The following SLC18A2 variants were observed in gnomAD, a reference collection of about 807,000 sequenced individuals.
SLC18A2 encodes the protein synaptic vesicular amine transporter.
In SLC18A2, 33 loss-of-function variants were observed where a neutral mutation model predicts 59.2. The observed-to-expected ratio is 0.56, with a 90% CI of 0.42 to 0.75. The LOEUF (loss-of-function observed/expected upper bound fraction) is 0.75. SLC18A2 is among the 30% of genes least tolerant of loss of function. The probability of loss-of-function intolerance (pLI) is 0.00; values close to 1 mark genes in which losing one functional copy is unlikely to be tolerated. For missense variants in SLC18A2, 569 were observed against 668.6 expected (o/e 0.85, Z 1.64); for synonymous variants, 228 against 253.5 (o/e 0.90, Z 0.95).
rs1269598953 is a variant in SLC18A2, at chr10:117,279,382, T to C, written c.*2116T>C. ...TATTCAACTGTTTGACTGCTAAGTG[T>C]ATCTGTCCATATTTTAGCAAGTTTA... is the stretch of plus-strand genomic sequence containing the variant. On this transcript the variant is annotated 3_prime_UTR_variant, in exon 16 of 16. Coordinates refer to ENST00000644641, the MANE Select transcript of SLC18A2 (RefSeq NM_003054.6). 1.3e-5 allele frequency: 2 copies of C among 152,236 alleles called. No homozygotes were observed. Among genetic ancestry groups the C allele is most frequent in the Non-Finnish European group, 2.9e-5 (2 of 68,042 alleles). The allele number at this position is 152,236 out of a possible 1,614,324, so 9.4% of individuals were successfully genotyped here.
Position 117,269,840 on chromosome 10 carries a change from T to G in SLC18A2, c.1187-231T>G, listed in dbSNP as rs1589985508. 6.6e-6 allele frequency among the ~76,000 whole-genome samples: 1 copy of G among 152,320 alleles called. No homozygotes were observed. Among genetic ancestry groups the G allele is most frequent in the East Asian group, 1.9e-4 (1 of 5,190 alleles). ...GAAGAATGAATGACAATTGAGATGATGCTGTGAGAGAACATCTGTATACGA... is the reference window on the plus strand; with the variant it reads ...GAAGAATGAATGACAATTGAGATGAGGCTGTGAGAGAACATCTGTATACGA... On this transcript the variant is annotated intron_variant, in intron 13 of 15. Transcript: ENST00000644641. This position sits in a 1 kb window ranked among gnomAD's most constrained non-coding sequence, Gnocchi z 5.1.
chr10:117,248,209 C>T (rs1043148733), intron 3 of SLC18A2, among the ~76,000 whole-genome samples: 1 of 152,130 alleles, frequency 6.6e-6, no homozygotes. Flanking sequence ...AAGTGATCCT[C>T]CTGCCTCAGC....
In SLC18A2 at chr10:117,267,740, A is replaced by T. The variant is rs747505688; in HGVS notation, c.1186+4A>T. 4.1e-5 allele frequency: 63 copies of T among 1,552,900 alleles called. 1 individual carries two copies. In the Admixed American group the frequency reaches 7.6e-4, roughly 19 times the overall value. ...TTTGGAGTTGGTTTTGCAATTGGTAAGTCACACGAACCTTGTGCCTACATT... is the reference window on the plus strand; with the variant it reads ...TTTGGAGTTGGTTTTGCAATTGGTATGTCACACGAACCTTGTGCCTACATT... On this transcript the variant is annotated splice_donor_region_variant and intron_variant, in intron 13 of 15. Transcript: ENST00000644641.
At position 117,267,485 on chromosome 10, in the gene SLC18A2, G is replaced by A. The variant is rs562655693; in HGVS notation, c.1123-188G>A. On this transcript the variant is annotated intron_variant, in intron 12 of 15. Transcript: ENST00000644641. The stretch of plus-strand genomic sequence containing the variant: ...GTTTTTCATGGTGGTCATAAAACTC[G>A]TTTCAAGCTTTGACTTTTAAAGATT... 211 of 477,416 alleles carry A rather than the reference G, an allele frequency of 4.4e-4. 5 individuals are homozygous for A. In the South Asian group the frequency reaches 8.6e-3, roughly 19 times the overall value. The allele number at this position is 477,416 out of a possible 1,614,324, so 29.6% of individuals were successfully genotyped here. A position where few individuals can be genotyped will look rare whatever the true frequency, so the allele number is the denominator to read the frequency against.
intron 15 of SLC18A2, among the ~76,000 whole-genome samples, chr10:117,274,347 TCTGA>T (rs1017892688): frequency 6.6e-6 from 1 of 152,180 alleles, no homozygotes; most frequent in African/African-American, 2.4e-5. Context: ...TGCCAAATAG[TCTGA>T]CTGAACTGCT....
Position 117,276,125 on chromosome 10 carries a change from C to CAAA in SLC18A2, c.1441-1026_1441-1024dup, listed in dbSNP as rs34299747. Among the ~76,000 whole-genome samples, 285 of 137,404 alleles carry CAAA rather than the reference C, an allele frequency of 2.1e-3. 2 individuals carry two copies. Among genetic ancestry groups the CAAA allele is most frequent in the South Asian group, 4.8e-3 (21 of 4,368 alleles). The allele number at this position is 137,404 out of a possible 152,430, so 90.1% of individuals were successfully genotyped here. A position where few individuals can be genotyped will look rare whatever the true frequency, so the allele number is the denominator to read the frequency against. ...GCAATGTAGTGAGATGTCATCTCTA[C>CAAA]AAAAAAAAAAAAATTAAAAATTAGC... On this transcript the variant is annotated intron_variant, in intron 15 of 15. Coordinates refer to ENST00000644641, the MANE Select transcript of SLC18A2 (RefSeq NM_003054.6).
At chr10:117,241,539 T>G in intron 1 of SLC18A2, 140 bp from the exon 2 acceptor site, 2 of 901,872 alleles carry the variant, frequency 2.2e-6, no homozygotes, top group Non-Finnish European at 3.1e-6. Flanking sequence ...TCGAGGCAGG[T>G]GAGCCGAGGC....
chr10:117,274,170 A>G (rs1386107208), intron 15 of SLC18A2, among the ~76,000 whole-genome samples: 1 of 152,200 alleles, frequency 6.6e-6, no homozygotes, highest in Non-Finnish European at 1.5e-5. Flanking sequence ...TTTTTTTTAA[A>G]AAGTACAATT....
At chr10:117,243,835 C>G in intron 2 of SLC18A2, 136 bp from the exon 3 acceptor site, 1 of 673,422 alleles carries the variant, frequency 1.5e-6, no homozygotes, top group South Asian at 2.0e-5. Flanking sequence ...ATCCACCTGC[C>G]TCAGCTTCCC....
intron 3 of SLC18A2, among the ~76,000 whole-genome samples, chr10:117,252,045 G>A (rs962280579): frequency 3.3e-5 from 5 of 150,892 alleles, no homozygotes; most frequent in African/African-American, 1.2e-4. Context: ...TACATCCTCT[G>A]CCTTCTAGGT....
At chr10:117,251,527 G>A (rs1235162840) in intron 3 of SLC18A2, among the ~76,000 whole-genome samples, 1 of 152,188 alleles carries the variant, frequency 6.6e-6, no homozygotes, top group Non-Finnish European at 1.5e-5. Context: ...TGAATTACAA[G>A]CTCATCTCTG....
intron 7 of SLC18A2, 54 bp from the exon 8 acceptor site, chr10:117,255,425 G>A (rs183700501): frequency 1.2e-6 from 2 of 1,614,058 alleles, no homozygotes; most frequent in African/African-American, 1.3e-5. Flanking sequence ...GCACGCGCTT[G>A]GGCCACACCT....
At chr10:117,260,180 C>T (rs1370136936) in intron 10 of SLC18A2, among the ~76,000 whole-genome samples, 2 of 152,206 alleles carry the variant, frequency 1.3e-5, no homozygotes, top group African/African-American at 4.8e-5. Flanking sequence ...TGTGTTGCCC[C>T]GGTTGCCATT....
chr10:117,242,018 C>T (rs1051467729), intron 2 of SLC18A2: 7 of 492,100 alleles, frequency 1.4e-5, no homozygotes, highest in Admixed American at 4.2e-5. Flanking sequence ...TCCTGATGCT[C>T]GGGTCAAAAA....
chr10:117,242,174 G>T (rs1450704312), intron 2 of SLC18A2, among the ~76,000 whole-genome samples: 3 of 152,096 alleles, frequency 2.0e-5, no homozygotes, highest in Non-Finnish European at 4.4e-5. Context: ...ATAATTATTG[G>T]GCTACTCGAA....
chr10:117,258,822 G>A (rs529654660), intron 10 of SLC18A2, among the ~76,000 whole-genome samples: 23 of 149,288 alleles, frequency 1.5e-4, no homozygotes, highest in African/African-American at 4.7e-4. Context: ...GCTGGAGTGC[G>A]GTGGCACGAT....
At chr10:117,264,136 G>A (rs1212690810) in intron 10 of SLC18A2, among the ~76,000 whole-genome samples, 1 of 152,236 alleles carries the variant, frequency 6.6e-6, no homozygotes, top group Non-Finnish European at 1.5e-5. Context: ...GGCCAAGGCC[G>A]TGGCTGAAGC....
chr10:117,243,865 T>C, intron 2 of SLC18A2, 106 bp from the exon 3 acceptor site: 1 of 841,954 alleles, frequency 1.2e-6, no homozygotes, highest in Non-Finnish European at 1.8e-6. Flanking sequence ...GAATTACAGG[T>C]GTGAGCCACT....
intron 10 of SLC18A2, among the ~76,000 whole-genome samples, chr10:117,258,452 A>G (rs1168363507): frequency 6.6e-6 from 1 of 152,196 alleles, no homozygotes; most frequent in Non-Finnish European, 1.5e-5. Context: ...CTAAAAATCC[A>G]GTCAAGTGAA....
Sources: gnomAD v4.1 joint callset for allele counts (sites outside exome capture counted in the v4.1 genomes callset) on GRCh38, gnomAD v4.1.1 for gene constraint, Gnocchi (gnomAD v3.1) non-coding constraint, MANE v1.5 for transcripts, NCBI Gene and HGNC (gene_info 2026-07-23, HGNC 2026-07-21) for gene names.